The following HCK variants were observed in gnomAD, a reference collection of about 807,000 sequenced individuals.
HCK encodes the protein HCK proto-oncogene, Src family tyrosine kinase.
HCK carries 40 observed loss-of-function variants against 70.4 expected under a neutral mutation model. The ratio of observed to expected loss-of-function variants is 0.57; its 90% CI spans 0.44 to 0.74. The LOEUF (loss-of-function observed/expected upper bound fraction) is 0.74, where lower values mean the gene tolerates loss of function less well. HCK is among the 30% of genes least tolerant of loss of function. The probability of loss-of-function intolerance (pLI) is 0.00; values close to 1 mark genes in which losing one functional copy is unlikely to be tolerated. For missense variants in HCK, 568 were observed against 697.2 expected, an observed-to-expected ratio of 0.81 and a Z score of 2.09; for synonymous variants, 245 against 263.2, an observed-to-expected ratio of 0.93 and a Z score of 0.67.
intron 1 of HCK, among the ~76,000 whole-genome samples, chr20:32,068,691 G>T (rs1032892015): frequency 1.3e-5 from 2 of 152,150 alleles, no homozygotes; most frequent in Non-Finnish European, 2.9e-5. Flanking sequence ...GGCCAAGGTA[G>T]CAGGATCACT....
At chr20:32,068,691 G>A (rs1032892015) in intron 1 of HCK, among the ~76,000 whole-genome samples, 3 of 152,150 alleles carry the variant, frequency 2.0e-5, no homozygotes, top group Non-Finnish European at 4.4e-5. Flanking sequence ...GGCCAAGGTA[G>A]CAGGATCACT....
intron 10 of HCK, 128 bp downstream of exon 10, chr20:32,088,772 T>A: frequency 1.5e-6 from 1 of 663,556 alleles, no homozygotes; most frequent in South Asian, 1.9e-5. Flanking sequence ...GAGAGCTCAG[T>A]ATAAAACTAT....
In HCK at chr20:32,073,810, C is replaced by T. The variant is rs1054293490; in HGVS notation, c.321C>T (p.Val107=). ...TCCAGAAGGGGGACCAGATGGTGGTCCTAGAGGAGTGAGTCCCCATCCCAC... is the reference window on the plus strand; with the variant it reads ...TCCAGAAGGGGGACCAGATGGTGGTTCTAGAGGAGTGAGTCCCCATCCCAC... The change falls in exon 4 of 13, where the codon GTC becomes GTT. Residue 107 remains valine, a synonymous_variant. Transcript: ENST00000375852. 1.3e-6 allele frequency: 2 copies of T among 1,547,860 alleles called. No homozygotes were observed. The highest frequency in any genetic ancestry group is 3.9e-5 in the Admixed American group (2 of 51,176).
chr20:32,094,804 A>G (rs2045927665), intron 11 of HCK, among the ~76,000 whole-genome samples: 1 of 48,484 alleles, frequency 2.1e-5, no homozygotes, highest in South Asian at 7.3e-4. Flanking sequence ...AAAGAAAGAA[A>G]GAAAGAAAGA....
At chr20:32,062,249 T>C (rs1483312791) in intron 1 of HCK, among the ~76,000 whole-genome samples, 2 of 152,128 alleles carry the variant, frequency 1.3e-5, no homozygotes, top group Non-Finnish European at 2.9e-5. Context: ...ATGACTTACA[T>C]TTTTAAAGGC....
intron 1 of HCK, among the ~76,000 whole-genome samples, chr20:32,061,130 T>C (rs2045365025): frequency 6.6e-6 from 1 of 152,128 alleles, no homozygotes; most frequent in Non-Finnish European, 1.5e-5. Flanking sequence ...ATTACAAGCA[T>C]GCGCCACCAC....
At position 32,084,140 on chromosome 20, in the gene HCK, T is replaced by C. The variant is rs548873385; in HGVS notation, c.682+97T>C. The C allele has an allele frequency of 2.5e-5, 34 of 1,344,156 alleles. No individual in the cohort carries two copies. In the Admixed American group the frequency reaches 5.2e-4, roughly 21 times the overall value. The allele number at this position is 1,344,156 out of a possible 1,614,324, so 83.3% of individuals were successfully genotyped here. A position where few individuals can be genotyped will look rare whatever the true frequency, so the allele number is the denominator to read the frequency against. ...GCCCCTGAGACCTGCTGTGTCCTTC[T>C]TGGCCATCCCCTAGACAGATAGTTG... On this transcript the variant is annotated intron_variant, in intron 7 of 12. Transcript: ENST00000375852.
chr20:32,067,081 A>G (rs1021098335), intron 1 of HCK, among the ~76,000 whole-genome samples: 2 of 152,258 alleles, frequency 1.3e-5, no homozygotes, highest in African/African-American at 4.8e-5. Context: ...ACGTAGGCAC[A>G]TAAATTCATT....
At chr20:32,052,796 G>GGGT (rs1568945704) in intron 1 of HCK, among the ~76,000 whole-genome samples, 23 of 110,992 alleles carry the variant, frequency 2.1e-4, no homozygotes, top group African/African-American at 1.2e-3. Context: ...GGGGGGCGGG[G>GGGT]ATTTTTTTTT....
chr20:32,098,876 T>C lies in HCK; in HGVS notation c.1247-128T>C, dbSNP rs984215536. On this transcript the variant is annotated intron_variant, in intron 11 of 12. Coordinates refer to ENST00000375852, the MANE Select transcript of HCK (RefSeq NM_002110.5). ...CTTGCTTCCACAGGGAGGCCACGTA[T>C]CAGGGAAATTGCAGGTCTGCAGGGG... 14 of 977,964 alleles carry C rather than the reference T, an allele frequency of 1.4e-5. No individual in the cohort carries two copies. The Middle Eastern group carries it at 9.2e-4, about 64-fold the overall frequency. The allele number at this position is 977,964 out of a possible 1,614,324, so 60.6% of individuals were successfully genotyped here. A position where few individuals can be genotyped will look rare whatever the true frequency, so the allele number is the denominator to read the frequency against.
chr20:32,079,169 C>A (rs1004569770), intron 5 of HCK, among the ~76,000 whole-genome samples: 1 of 152,186 alleles, frequency 6.6e-6, no homozygotes, highest in Admixed American at 6.5e-5. Context: ...AGAAAATGTC[C>A]CAGGATATAA....
intron 8 of HCK, among the ~76,000 whole-genome samples, chr20:32,085,828 G>A (rs974453983): frequency 6.6e-6 from 1 of 152,206 alleles, no homozygotes; most frequent in Admixed American, 6.5e-5. Context: ...AGGGTGACTG[G>A]CACATAAAAG....
Position 32,060,493 on chromosome 20 carries a change from T to C in HCK, c.62+8007T>C, listed in dbSNP as rs139198176. Reference sequence around the variant, plus strand: ...GCTGACCTCAGGTGATCCGCCTGCCTCAGCTTCCCAAAGTGCTGGGATTGC... The same window carrying C: ...GCTGACCTCAGGTGATCCGCCTGCCCCAGCTTCCCAAAGTGCTGGGATTGC... On this transcript the variant is annotated intron_variant, in intron 1 of 12. Transcript: ENST00000375852. 2.7e-3 allele frequency among the ~76,000 whole-genome samples: 411 copies of C among 152,314 alleles called. 1 individual carries two copies. The highest frequency in any genetic ancestry group is 9.4e-3 in the African/African-American group (392 of 41,582).
chr20:32,091,571 A>G (rs2045864087), intron 10 of HCK, among the ~76,000 whole-genome samples: 1 of 151,920 alleles, frequency 6.6e-6, no homozygotes, highest in African/African-American at 2.4e-5. Flanking sequence ...AATTTCCCAC[A>G]CTCCCAGGGC....
intron 1 of HCK, chr20:32,069,823 G>A (rs764495034): frequency 1.7e-6 from 2 of 1,151,306 alleles, no homozygotes; most frequent in Non-Finnish European, 2.3e-6. Flanking sequence ...GGAGTTTGGG[G>A]TTTTTTTCCT....
At position 32,084,039 on chromosome 20, in the gene HCK, C is replaced by T. The variant is rs759860294; in HGVS notation, c.678C>T (p.Tyr226=). ...CTCTGCAGGAGCTGGTGGACCACTA[C>T]AAGAGTGAGTCCCACCCCAGGGGTG... The change falls in exon 7 of 13, where the codon TAC becomes TAT. Residue 226 remains tyrosine (Y), a synonymous_variant. Coordinates refer to ENST00000375852, the MANE Select transcript of HCK (RefSeq NM_002110.5). 1.9e-6 allele frequency: 3 copies of T among 1,613,476 alleles called. No homozygotes were observed. The highest frequency in any genetic ancestry group is 1.1e-5 in the South Asian group (1 of 91,064).
intron 6 of HCK, 48 bp from the exon 7 acceptor site, chr20:32,083,846 C>A: frequency 6.2e-7 from 1 of 1,608,188 alleles, no homozygotes; most frequent in Non-Finnish European, 8.5e-7. Flanking sequence ...TGCAAGGTGG[C>A]AGGCCTCCAA....
chr20:32,077,209 T>C (rs2045639801), intron 5 of HCK, among the ~76,000 whole-genome samples: 1 of 152,188 alleles, frequency 6.6e-6, no homozygotes, highest in Non-Finnish European at 1.5e-5. Context: ...ACTGGGACCT[T>C]GGGAATCAGG....
intron 10 of HCK, among the ~76,000 whole-genome samples, chr20:32,090,470 G>A (rs1188140962): frequency 2.0e-5 from 3 of 151,712 alleles, no homozygotes; most frequent in African/African-American, 7.3e-5. Context: ...ATGTTATTCA[G>A]TAGCTGCATA....
Sources: gnomAD v4.1 joint callset for allele counts (sites outside exome capture counted in the v4.1 genomes callset) on GRCh38, gnomAD v4.1.1 for gene constraint, MANE v1.5 for transcripts, NCBI Gene and HGNC (gene_info 2026-07-23, HGNC 2026-07-21) for gene names.